FDFT1: variants seen among roughly 807,000 people sequenced by gnomAD.
FDFT1 encodes farnesyl-diphosphate farnesyltransferase 1.
A neutral mutation model predicts 46.8 loss-of-function variants in FDFT1; 68 were observed. That is an observed-to-expected ratio of 1.45 (90% CI 1.19 to 1.78). The LOEUF is 1.78. FDFT1 is among the 40% of genes most tolerant of loss of function. The pLI is 0.00. For missense variants in FDFT1, 928 were observed against 524.4 expected, an observed-to-expected ratio of 1.77 and a Z score of -7.52; for synonymous variants, 351 against 185.1, an observed-to-expected ratio of 1.90 and a Z score of -7.28.
upstream of FDFT1, chr8:11,798,003 T>G (rs1805736594): frequency 6.6e-6 from 1 of 152,268 alleles, no homozygotes; most frequent in Admixed American, 6.5e-5. Flanking sequence ...TGATTTCCTT[T>G]AAATCAATCC....
intron 5 of FDFT1, among the ~76,000 whole-genome samples, chr8:11,826,875 A>T (rs1357401737): frequency 6.6e-6 from 1 of 152,208 alleles, no homozygotes; most frequent in Admixed American, 6.5e-5. Context: ...GTTGCTACAC[A>T]GCTGAGTTCT....
rs377680140 is a variant in FDFT1 at position 11,821,735 on chromosome 8, C to T, written c.382-15C>T. 3.1e-5 allele frequency: 50 copies of T among 1,611,326 alleles called. No individual in the cohort carries two copies. Among genetic ancestry groups the T allele is most frequent in the East Asian group, 1.8e-4 (8 of 44,786 alleles). ...ATATTTCATGATTTCTGTGTTTTTA[C>T]GGTTTCCATTTCAGATCTCCCTTGA... On this transcript the variant is annotated splice_polypyrimidine_tract_variant and intron_variant, in intron 3 of 7. Coordinates refer to ENST00000220584, the MANE Select transcript of FDFT1 (RefSeq NM_004462.5).
In FDFT1 at chr8:11,826,023, G is replaced by A; in HGVS notation, c.511-1G>A. ...AGTGCTTTAAAAATCGTCTCTTACA[G>A]TACTGCCACTATGTTGCTGGGCTGG... is the stretch of plus-strand genomic sequence containing the variant. On this transcript the variant is annotated splice_acceptor_variant, in intron 4 of 7. Transcript: ENST00000220584. LOFTEE classifies it high-confidence loss of function. 1 of 1,567,726 alleles carries A rather than the reference G, an allele frequency of 6.4e-7. No homozygotes were observed. The highest frequency in any genetic ancestry group is 8.7e-7 in the Non-Finnish European group (1 of 1,146,794).
At chr8:11,798,744 C>CAATA (rs1249144336), upstream of FDFT1, among the ~76,000 whole-genome samples, 4 of 152,146 alleles carry the variant, frequency 2.6e-5, no homozygotes, top group African/African-American at 9.7e-5. Context: ...ATTGAGCACC[C>CAATA]AATAAATATT....
chr8:11,826,798 G>C (rs1387233466), intron 5 of FDFT1, among the ~76,000 whole-genome samples: 2 of 152,320 alleles, frequency 1.3e-5, no homozygotes, highest in African/African-American at 4.8e-5. Context: ...CTGGGCGACA[G>C]AGTGAGACTC....
intron 3 of FDFT1, among the ~76,000 whole-genome samples, chr8:11,820,601 C>T (rs570844278): frequency 6.6e-6 from 1 of 152,198 alleles, no homozygotes; most frequent in African/African-American, 2.4e-5. Context: ...CCTCACCAAG[C>T]TCCAGCATCC....
rs571759534 is a variant in FDFT1 at position 11,808,471 on chromosome 8, T to A, written c.100-323T>A. 3.8e-4 allele frequency: 493 copies of A among 1,288,228 alleles called. 5 individuals carry two copies. The South Asian group carries it at 4.6e-3, about 12-fold the overall frequency. The allele number at this position is 1,288,228 out of a possible 1,614,324, so 79.8% of individuals were successfully genotyped here. A position where few individuals can be genotyped will look rare whatever the true frequency, so the allele number is the denominator to read the frequency against. On this transcript the variant is annotated intron_variant, in intron 1 of 7. Coordinates refer to ENST00000220584, the MANE Select transcript of FDFT1 (RefSeq NM_004462.5). ...CGCCCCTCGTCGGGCGCTTCCCAGA[T>A]CTGCTTGAGTCTATGGAGGAAAAAC...
intron 6 of FDFT1, among the ~76,000 whole-genome samples, 185 bp from the exon 7 acceptor site, chr8:11,831,333 G>C (rs935004544): frequency 7.2e-5 from 11 of 152,212 alleles, no homozygotes; most frequent in African/African-American, 2.7e-4. Flanking sequence ...TTGAGAAAGG[G>C]AGGAGTGGGG....
In FDFT1 at chr8:11,809,649, GT is replaced by G; in HGVS notation, c.198-14del. On this transcript the variant is annotated splice_polypyrimidine_tract_variant and intron_variant, in intron 2 of 7. Transcript: ENST00000220584. ...GGCTGTTTGTTCCAATATATTAATA[GT>G]TTTCCCTTTTTTACAGCAACGCAGT... The G allele has an allele frequency of 6.3e-7, 1 of 1,578,704 alleles. No individual in the cohort carries two copies. Among genetic ancestry groups the G allele is most frequent in the Non-Finnish European group, 8.6e-7 (1 of 1,164,596 alleles).
intron 3 of FDFT1, among the ~76,000 whole-genome samples, chr8:11,819,989 A>G (rs1302805769): frequency 6.6e-6 from 1 of 151,866 alleles, no homozygotes; most frequent in Non-Finnish European, 1.5e-5. Context: ...GGTTTTATCT[A>G]CCTTTGGTCT....
At chr8:11,831,944 G>C (rs1441516381) in intron 7 of FDFT1, 4 of 338,018 alleles carry the variant, frequency 1.2e-5, no homozygotes, top group Admixed American at 8.7e-5. Context: ...TGAGCTGCAA[G>C]ATGATGCAGG....
intron 3 of FDFT1, among the ~76,000 whole-genome samples, chr8:11,819,561 C>A (rs568071160): frequency 2.0e-5 from 3 of 152,128 alleles, no homozygotes; most frequent in African/African-American, 7.2e-5. Flanking sequence ...TCTTTTTTCT[C>A]TAATCTTGTC....
At chr8:11,836,648 C>T (rs890097475) in intron 7 of FDFT1, among the ~76,000 whole-genome samples, 1 of 152,220 alleles carries the variant, frequency 6.6e-6, no homozygotes, top group Non-Finnish European at 1.5e-5. Context: ...AGGAGGAAGG[C>T]TAAGACAAGC....
At chr8:11,820,600 G>A (rs1304327386) in intron 3 of FDFT1, among the ~76,000 whole-genome samples, 6 of 152,176 alleles carry the variant, frequency 3.9e-5, no homozygotes, top group Non-Finnish European at 8.8e-5. Context: ...CCCTCACCAA[G>A]CTCCAGCATC....
intron 1 of FDFT1, chr8:11,807,894 A>G (rs1807066629): frequency 6.6e-6 from 1 of 152,274 alleles, no homozygotes; most frequent in Non-Finnish European, 1.5e-5. Context: ...GTAAGAGGAG[A>G]GAGACCTCGG....
At chr8:11,810,472 T>C (rs1030860684) in intron 3 of FDFT1, among the ~76,000 whole-genome samples, 3 of 152,220 alleles carry the variant, frequency 2.0e-5, no homozygotes, top group Non-Finnish European at 2.9e-5. Context: ...GCTTTGTGTC[T>C]CCGTCTCCTC....
chr8:11,802,510 G>T, upstream of FDFT1: 1 of 512,584 alleles, frequency 2.0e-6, no homozygotes, highest in South Asian at 1.5e-5. Context: ...CCCGCTCGTC[G>T]GCCTCTTTCT....
At chr8:11,808,239 C>G (rs914037787) in intron 1 of FDFT1, 14 of 1,194,870 alleles carry the variant, frequency 1.2e-5, no homozygotes, top group Non-Finnish European at 1.5e-5. Context: ...AGAGTTTGGT[C>G]TAGGGAGACT....
At position 11,833,048 on chromosome 8, in the gene FDFT1, A is replaced by T. The variant is rs78812788; in HGVS notation, c.1032+1378A>T. Among the ~76,000 whole-genome samples, 952 of 152,334 alleles carry T rather than the reference A, an allele frequency of 6.2e-3. 16 individuals carry two copies. The highest frequency in any genetic ancestry group is 0.032 in the South Asian group (153 of 4,826). ...CTCCCTACCTTTATCTGACACAGAA[A>T]TGCTGTATGTCCAGAACTTCTATCA... On this transcript the variant is annotated intron_variant, in intron 7 of 7. Coordinates refer to ENST00000220584, the MANE Select transcript of FDFT1 (RefSeq NM_004462.5).
Sources: gnomAD v4.1 joint callset for allele counts (sites outside exome capture counted in the v4.1 genomes callset) on GRCh38, gnomAD v4.1.1 for gene constraint, MANE v1.5 for transcripts, NCBI Gene and HGNC (gene_info 2026-07-23, HGNC 2026-07-21) for gene names.